The following RBFOX1 variants were observed in gnomAD, a reference collection of about 807,000 sequenced individuals.
RBFOX1 encodes RNA binding fox-1 homolog 1.
In RBFOX1, 8 loss-of-function variants were observed where a neutral mutation model predicts 57.7. That is an observed-to-expected ratio of 0.14 (90% CI 0.08 to 0.25). RBFOX1 has a LOEUF of 0.25. Ranked by LOEUF, RBFOX1 falls within the 10% of genes least tolerant of loss-of-function variation. RBFOX1 has a pLI of 1.00. For missense variants in RBFOX1, 611 were observed against 548.5 expected (o/e 1.11, Z -1.14); for synonymous variants, 326 against 222.4 (o/e 1.47, Z -4.15).
intron 3 of RBFOX1, among the ~76,000 whole-genome samples, chr16:6,664,246 T>C (rs2098718620): frequency 6.6e-6 from 1 of 152,188 alleles, no homozygotes; most frequent in Admixed American, 6.5e-5. Flanking sequence ...TCATTCTGCA[T>C]TTTACATCCT....
At chr16:6,646,928 C>G (rs11642826) in intron 2 of RBFOX1, among the ~76,000 whole-genome samples, 6,956 of 152,232 alleles carry the variant, frequency 0.046, 206 homozygotes, top group Non-Finnish European at 0.056. Flanking sequence ...CACATGATCC[C>G]ACGTCCTAGG....
At chr16:5,747,267 G>T (rs1260929369) in intron 3 of RBFOX1, among the ~76,000 whole-genome samples, 5 of 152,190 alleles carry the variant, frequency 3.3e-5, no homozygotes, top group African/African-American at 1.2e-4. Flanking sequence ...TTTGTGATGT[G>T]CTGCTGGATT....
At chr16:6,826,321 T>A (rs1002836430) in intron 3 of RBFOX1, among the ~76,000 whole-genome samples, 1 of 152,092 alleles carries the variant, frequency 6.6e-6, no homozygotes, top group African/African-American at 2.4e-5. Context: ...AAGACCAGCC[T>A]AGGCAACATG....
intron 3 of RBFOX1, among the ~76,000 whole-genome samples, chr16:6,729,254 T>A (rs760889267): frequency 6.6e-6 from 1 of 152,194 alleles, no homozygotes; most frequent in South Asian, 2.1e-4. Flanking sequence ...GGATTCTGAT[T>A]TAATTTACTT....
At chr16:6,720,742 C>G (rs528710289) in intron 3 of RBFOX1, among the ~76,000 whole-genome samples, 1 of 152,176 alleles carries the variant, frequency 6.6e-6, no homozygotes, top group Admixed American at 6.5e-5. Context: ...GAAACATGAG[C>G]TTCATTTCTG....
chr16:7,533,219 T>C (rs55763090), intron 5 of RBFOX1, among the ~76,000 whole-genome samples: 4,865 of 152,294 alleles, frequency 0.032, 222 homozygotes, highest in African/African-American at 0.11. Flanking sequence ...GATTTGGTAT[T>C]TCTTACTGGA....
intron 1 of RBFOX1, among the ~76,000 whole-genome samples, chr16:6,202,993 C>T (rs1433111418): frequency 1.3e-5 from 2 of 151,920 alleles, no homozygotes; most frequent in African/African-American, 2.4e-5. Flanking sequence ...CAAGGCTGGT[C>T]TTGAAATCCT....
At chr16:6,728,729 A>G (rs373979052) in intron 3 of RBFOX1, among the ~76,000 whole-genome samples, 44 of 152,330 alleles carry the variant, frequency 2.9e-4, no homozygotes, top group African/African-American at 8.9e-4. Flanking sequence ...TTAATGCTCA[A>G]TAGAAGAAAC....
intron 2 of RBFOX1, among the ~76,000 whole-genome samples, chr16:6,614,647 G>A (rs1170279670): frequency 1.3e-5 from 2 of 152,154 alleles, no homozygotes; most frequent in Non-Finnish European, 2.9e-5. Flanking sequence ...TGAGGAAGTA[G>A]CCTCTTTCCT....
intron 4 of RBFOX1, among the ~76,000 whole-genome samples, chr16:7,448,285 A>C (rs1016228570): frequency 6.6e-6 from 1 of 152,226 alleles, no homozygotes; most frequent in Admixed American, 6.5e-5. Flanking sequence ...CTAAGGAAGG[A>C]TGTATTAGTT....
chr16:6,692,614 T>A (rs560037277), intron 3 of RBFOX1, among the ~76,000 whole-genome samples: 1 of 144,140 alleles, frequency 6.9e-6, no homozygotes, highest in African/African-American at 2.5e-5. Context: ...CCTTCCACCA[T>A]GCACTTTTCC....
intron 3 of RBFOX1, among the ~76,000 whole-genome samples, chr16:5,681,391 T>TC (rs1439876953): frequency 2.3e-4 from 32 of 137,768 alleles, no homozygotes; most frequent in Admixed American, 7.0e-4. Flanking sequence ...GCTTTTTTCT[T>TC]TTTTTTTTTT....
chr16:6,969,863 G>A (rs552113840), intron 3 of RBFOX1, among the ~76,000 whole-genome samples: 1 of 152,138 alleles, frequency 6.6e-6, no homozygotes, highest in Non-Finnish European at 1.5e-5. Flanking sequence ...GTGAACCATT[G>A]TACTAATTGA....
rs1306795041 is a variant in RBFOX1 at position 6,767,941 on chromosome 16, T to TAAGAAG, written c.-16+113293_-16+113294insGAAGAA. Among the ~76,000 whole-genome samples the TAAGAAG allele has an allele frequency of 7.6e-3, 648 of 85,002 alleles. 2 individuals carry two copies. The highest frequency in any genetic ancestry group is 0.011 in the Middle Eastern group (2 of 188). The allele number at this position is 85,002 out of a possible 152,430, so 55.8% of individuals were successfully genotyped here. ...ATAATAATAATAATAATAATAATAA[T>TAAGAAG]AATAATAAGAAGAAGAAGAAGAAGA... is the stretch of plus-strand genomic sequence containing the variant. On this transcript the variant is annotated intron_variant, in intron 3 of 15. Coordinates refer to ENST00000550418, the MANE Select transcript of RBFOX1 (RefSeq NM_018723.4).
chr16:6,524,471 C>T (rs953552080), intron 2 of RBFOX1, among the ~76,000 whole-genome samples: 4 of 152,108 alleles, frequency 2.6e-5, no homozygotes, highest in African/African-American at 4.8e-5. Flanking sequence ...ACTTTCGAAG[C>T]GTGTTTGTCT....
At chr16:6,892,841 G>C in intron 3 of RBFOX1, among the ~76,000 whole-genome samples, 1 of 135,334 alleles carries the variant, frequency 7.4e-6, no homozygotes. Context: ...CTGCTTCAGG[G>C]TGTTCTGTGC....
intron 4 of RBFOX1, among the ~76,000 whole-genome samples, chr16:6,002,146 A>G (rs2060612668): frequency 1.3e-5 from 2 of 151,914 alleles, no homozygotes; most frequent in African/African-American, 2.4e-5. Context: ...TAATTAAAAG[A>G]TAATTTTTTT....
Position 7,673,031 on chromosome 16 carries a change from T to G in RBFOX1, c.931-3743T>G, listed in dbSNP as rs181183393. On this transcript the variant is annotated intron_variant, in intron 13 of 15. Transcript: ENST00000550418. ...AGTGAGACTTGACCCTTGCATATTT[T>G]CATCATAAAGGGAGCCTTTACCCCT... Among the ~76,000 whole-genome samples, 5 of 152,186 alleles carry G rather than the reference T, an allele frequency of 3.3e-5. No homozygotes were observed. The East Asian group carries it at 9.7e-4, about 29-fold the overall frequency.
chr16:7,281,988 C>T (rs2095553466), intron 4 of RBFOX1, among the ~76,000 whole-genome samples: 1 of 152,180 alleles, frequency 6.6e-6, no homozygotes, highest in Admixed American at 6.5e-5. Context: ...ACCTCAGCGT[C>T]CGGAGTAGCT....
Sources: gnomAD v4.1 joint callset for allele counts (sites outside exome capture counted in the v4.1 genomes callset) on GRCh38, gnomAD v4.1.1 for gene constraint, MANE v1.5 for transcripts, NCBI Gene and HGNC (gene_info 2026-07-23, HGNC 2026-07-21) for gene names.